PHIP: variants seen among roughly 807,000 people sequenced by gnomAD.
PHIP encodes the protein PH-interacting protein.
A neutral mutation model predicts 236.8 loss-of-function variants in PHIP; 54 were observed. The ratio of observed to expected loss-of-function variants is 0.23; its 90% confidence interval spans 0.18 to 0.29. The LOEUF (loss-of-function observed/expected upper bound fraction) is 0.29, where lower values mean the gene tolerates loss of function less well. PHIP is among the 10% of genes least tolerant of loss of function. PHIP has a pLI of 1.00. For missense variants in PHIP, 1,370 were observed against 2,190.8 expected, an observed-to-expected ratio of 0.63 and a Z score of 7.48; for synonymous variants, 756 against 718.9, an observed-to-expected ratio of 1.05 and a Z score of -0.83.
intron 20 of PHIP, among the ~76,000 whole-genome samples, chr6:78,989,034 A>G (rs1769046392): frequency 6.6e-6 from 1 of 152,164 alleles, no homozygotes; most frequent in African/African-American, 2.4e-5. Flanking sequence ...AAAACTGATA[A>G]AGTACAACAC....
rs201064589 is a variant in PHIP, at chr6:79,011,905, AG to A, written c.1524+3176del. Among the ~76,000 whole-genome samples, 1,086 of 151,820 alleles carry A rather than the reference AG, an allele frequency of 7.2e-3. 16 individuals are homozygous for A. The highest frequency in any genetic ancestry group is 0.025 in the African/African-American group (1,020 of 41,536). ...TCATGGCTTGATACAGAAAAAAATT[AG>A]AATACTTATTACAATGATGACTATC... is the stretch of plus-strand genomic sequence containing the variant. On this transcript the variant is annotated intron_variant, in intron 15 of 39. Transcript: ENST00000275034.
At chr6:79,005,448 A>G (rs1770236622) in intron 15 of PHIP, among the ~76,000 whole-genome samples, 1 of 152,032 alleles carries the variant, frequency 6.6e-6, no homozygotes, top group Non-Finnish European at 1.5e-5. Flanking sequence ...AATAAAAAAA[A>G]AAGTTACATG....
At position 78,961,804 on chromosome 6, in the gene PHIP, G is replaced by A. The variant is rs201169389; in HGVS notation, c.3542C>T (p.Ala1181Val). Residue 1181 changes from alanine (A) to valine (V), a missense_variant, in exon 31 of 40, where the codon GCC becomes GTC. Ala to Val is a moderately conservative substitution (Grantham distance 64). Around this residue, in one of 14 missense-constraint regions of PHIP, gnomAD observed 238 missense variants for 398.5 expected, o/e 0.60. Coordinates refer to ENST00000275034, the MANE Select transcript of PHIP (RefSeq NM_017934.7). ...GINQLMTLDI[A>V]SAFVAPVDLQ... ...ATCCACGGGGGCCACAAATGCTGAG[G>A]CAATATCTAAAATAAATAGATAAGT... 1 of 1,606,596 alleles carries A rather than the reference G, an allele frequency of 6.2e-7. No homozygotes were observed. The highest frequency in any genetic ancestry group is 1.3e-5 in the African/African-American group (1 of 74,658).
At chr6:78,979,314 G>T (rs1051161344) in intron 23 of PHIP, among the ~76,000 whole-genome samples, 1 of 151,948 alleles carries the variant, frequency 6.6e-6, no homozygotes. Context: ...CTCACAACAA[G>T]GTAACAAGAT....
At position 78,936,659 on chromosome 6, in the gene PHIP, A is replaced by G. The variant is rs908639407; in HGVS notation, c.*4034T>C. ...CACAGAGCTATCAAAACTAAAAATA[A>G]TATCTATTTATAGCTCATATTTTCT... On this transcript the variant is annotated 3_prime_UTR_variant, in exon 40 of 40. Transcript: ENST00000275034. 5.3e-5 allele frequency: 8 copies of G among 151,948 alleles called. No homozygotes were observed. The highest frequency in any genetic ancestry group is 1.9e-4 in the East Asian group (1 of 5,174). 9.4% of individuals were successfully genotyped at this position (151,948 alleles called of 1,614,324 possible). A position where few individuals can be genotyped will look rare whatever the true frequency, so the allele number is the denominator to read the frequency against.
rs1321482454 is a variant in PHIP, at chr6:78,934,903, AT to A, written c.*5789del. ...AACCAATTAGGTAGAAAGGTATTTC[AT>A]TGAATGACTTCCACCATTCTTTTCC... On this transcript the variant is annotated 3_prime_UTR_variant, in exon 40 of 40. Transcript: ENST00000275034. 6.6e-6 allele frequency among the ~76,000 whole-genome samples: 1 copy of A among 152,210 alleles called. No homozygotes were observed. Among genetic ancestry groups the A allele is most frequent in the African/African-American group, 2.4e-5 (1 of 41,454 alleles).
intron 19 of PHIP, among the ~76,000 whole-genome samples, chr6:78,991,853 AT>A (rs112389282): frequency 0.1 from 15,231 of 147,990 alleles, 1,130 homozygotes; most frequent in African/African-American, 0.22. Flanking sequence ...TTTGTTCTTA[AT>A]TTTTTTTTTT....
intron 4 of PHIP, among the ~76,000 whole-genome samples, chr6:79,061,228 A>G (rs912387071): frequency 2.6e-5 from 4 of 152,200 alleles, no homozygotes; most frequent in Non-Finnish European, 5.9e-5. Flanking sequence ...TAAATAAACA[A>G]TATTCACTAT....
chr6:78,959,075 C>T (rs1341627684), intron 31 of PHIP, among the ~76,000 whole-genome samples: 1 of 151,974 alleles, frequency 6.6e-6, no homozygotes, highest in Admixed American at 6.6e-5. Flanking sequence ...TTATGAGATA[C>T]AAAATCATAA....
chr6:79,037,685 G>T (rs1307489698), intron 7 of PHIP, among the ~76,000 whole-genome samples: 2 of 152,232 alleles, frequency 1.3e-5, no homozygotes, highest in African/African-American at 4.8e-5. Flanking sequence ...CAAGAGATCA[G>T]TGTAACCGAA....
At position 78,985,087 on chromosome 6, in the gene PHIP, C is replaced by T. The variant is rs149224172; in HGVS notation, c.2537+265G>A. On this transcript the variant is annotated intron_variant, in intron 22 of 39. Transcript: ENST00000275034. Reference sequence around the variant, plus strand: ...CAAAACCAGTAATGAAACTGGTTTGCAATTCAACATTATAACGGTATTCAG... The same window carrying T: ...CAAAACCAGTAATGAAACTGGTTTGTAATTCAACATTATAACGGTATTCAG... 6.3e-4 allele frequency among the ~76,000 whole-genome samples: 96 copies of T among 151,984 alleles called. 1 individual carries two copies. The South Asian group carries it at 8.1e-3, about 13-fold the overall frequency.
chr6:79,056,502 T>A (rs988410873), intron 6 of PHIP, among the ~76,000 whole-genome samples: 1 of 152,136 alleles, frequency 6.6e-6, no homozygotes, highest in Admixed American at 6.6e-5. Flanking sequence ...CATGGTAATA[T>A]GTGCACTTCA....
chr6:78,955,819 A>G, intron 32 of PHIP, 137 bp from the exon 33 acceptor site: 2 of 463,086 alleles, frequency 4.3e-6, no homozygotes, highest in Non-Finnish European at 7.8e-6. Context: ...GCTTACTCCA[A>G]TAATTTATGC....
Position 78,935,852 on chromosome 6 carries a change from T to C in PHIP, c.*4841A>G, listed in dbSNP as rs1025752376. 2.0e-5 allele frequency: 11 copies of C among 549,582 alleles called. No homozygotes were observed. The South Asian group carries it at 7.9e-4, about 39-fold the overall frequency. 34.0% of individuals were successfully genotyped at this position (549,582 alleles called of 1,614,324 possible). A position where few individuals can be genotyped will look rare whatever the true frequency, so the allele number is the denominator to read the frequency against. ...ACTTTAAAAAGCAAATAATAAATCATGAGGCTCTACAAAATAGCTTAGAAA... is the reference window on the plus strand; with the variant it reads ...ACTTTAAAAAGCAAATAATAAATCACGAGGCTCTACAAAATAGCTTAGAAA... On this transcript the variant is annotated 3_prime_UTR_variant, in exon 40 of 40. Coordinates refer to ENST00000275034, the MANE Select transcript of PHIP (RefSeq NM_017934.7).
chr6:79,071,979 C>T (rs927638671), intron 4 of PHIP, among the ~76,000 whole-genome samples: 3 of 150,894 alleles, frequency 2.0e-5, no homozygotes, highest in Non-Finnish European at 4.4e-5. Context: ...AACTAACTTA[C>T]AAAGAAATTC....
chr6:78,964,377 C>T (rs992661621), intron 29 of PHIP, among the ~76,000 whole-genome samples: 1 of 152,134 alleles, frequency 6.6e-6, no homozygotes, highest in Non-Finnish European at 1.5e-5. Context: ...CTTTGGATTA[C>T]AATAACTACT....
chr6:78,967,951 G>A lies in PHIP; in HGVS notation c.3205+1884C>T, dbSNP rs1012789100. ...AGATCAAGACCATCCTGGCTAACGCGGTGAAACCCTGTCTCTACTAAAAAT... is the reference window on the plus strand; with the variant it reads ...AGATCAAGACCATCCTGGCTAACGCAGTGAAACCCTGTCTCTACTAAAAAT... On this transcript the variant is annotated intron_variant, in intron 27 of 39. Coordinates refer to ENST00000275034, the MANE Select transcript of PHIP (RefSeq NM_017934.7). Among the ~76,000 whole-genome samples the A allele has an allele frequency of 3.3e-5, 5 of 151,822 alleles. No individual in the cohort carries two copies. In the East Asian group the frequency reaches 5.8e-4, roughly 18 times the overall value.
intron 15 of PHIP, among the ~76,000 whole-genome samples, chr6:79,004,952 G>A (rs926436955): frequency 6.6e-6 from 1 of 152,004 alleles, no homozygotes; most frequent in Non-Finnish European, 1.5e-5. Flanking sequence ...TAAAAGAAAG[G>A]ACTTTACCTA....
At chr6:78,976,850 G>A (rs1249285041) in intron 24 of PHIP, among the ~76,000 whole-genome samples, 1 of 115,776 alleles carries the variant, frequency 8.6e-6, no homozygotes, top group Non-Finnish European at 1.8e-5. Flanking sequence ...CAGTTAGAAT[G>A]GCAATCATTA....
Sources: gnomAD v4.1 joint callset for allele counts (sites outside exome capture counted in the v4.1 genomes callset) on GRCh38, gnomAD v4.1.1 for gene constraint, gnomAD v4.1.1 regional missense constraint, MANE v1.5 for transcripts, NCBI Gene and HGNC (gene_info 2026-07-23, HGNC 2026-07-21) for gene names.